Variants in SMCHD1 observed in about 807,000 individuals in gnomAD.
SMCHD1 encodes structural maintenance of chromosomes flexible hinge domain-containing protein 1.
SMCHD1 carries 78 observed loss-of-function variants against 254.7 expected under a neutral mutation model. That is an observed-to-expected ratio of 0.31 (90% CI 0.26 to 0.37). SMCHD1 has a LOEUF of 0.37. SMCHD1 is among the 10% of genes least tolerant of loss of function. The pLI is 1.00. For synonymous variants in SMCHD1, 766 were observed against 794.9 expected, an observed-to-expected ratio of 0.96 and a Z score of 0.61; for missense variants, 1,840 against 2,408.1, an observed-to-expected ratio of 0.76 and a Z score of 4.94.
intron 5 of SMCHD1, among the ~76,000 whole-genome samples, chr18:2,685,670 C>T (rs2074035360): frequency 1.3e-5 from 2 of 152,188 alleles, no homozygotes; most frequent in South Asian, 4.1e-4. Flanking sequence ...AATGAATTTA[C>T]CTAATCAAGG....
intron 39 of SMCHD1, among the ~76,000 whole-genome samples, chr18:2,770,904 T>A (rs117930578): frequency 6.6e-6 from 1 of 152,108 alleles, no homozygotes; most frequent in South Asian, 2.1e-4. Flanking sequence ...TTACAGGTGT[T>A]AGCCACCACA....
chr18:2,735,108 AT>A (rs2075223117), intron 25 of SMCHD1, among the ~76,000 whole-genome samples: 1 of 152,056 alleles, frequency 6.6e-6, no homozygotes, highest in African/African-American at 2.4e-5. Context: ...AGTAGGCTTT[AT>A]TTTTGAGATT....
intron 5 of SMCHD1, among the ~76,000 whole-genome samples, chr18:2,686,877 A>G (rs2074063925): frequency 6.6e-6 from 1 of 152,104 alleles, no homozygotes; most frequent in African/African-American, 2.4e-5. Context: ...TTTTATACCA[A>G]TTAAAATGTT....
chr18:2,783,217 G>A (rs572896406), intron 44 of SMCHD1, among the ~76,000 whole-genome samples: 4 of 152,132 alleles, frequency 2.6e-5, no homozygotes, highest in East Asian at 1.9e-4. Flanking sequence ...CAATATTTCC[G>A]TATACATCGT....
At chr18:2,711,909 G>A (rs1319658086) in intron 17 of SMCHD1, among the ~76,000 whole-genome samples, 1 of 152,104 alleles carries the variant, frequency 6.6e-6, no homozygotes, top group Non-Finnish European at 1.5e-5. Flanking sequence ...ATGAGAGCTG[G>A]TTGTTAAAAA....
At chr18:2,659,823 G>A (rs964825365) in intron 1 of SMCHD1, among the ~76,000 whole-genome samples, 3 of 148,918 alleles carry the variant, frequency 2.0e-5, no homozygotes, top group Non-Finnish European at 3.0e-5. Context: ...GTAAGGTAAC[G>A]AAATATAATG....
At chr18:2,730,824 C>A (rs1235032300) in intron 24 of SMCHD1, among the ~76,000 whole-genome samples, 1 of 152,122 alleles carries the variant, frequency 6.6e-6, no homozygotes, top group Non-Finnish European at 1.5e-5. Context: ...CATTCCAGTT[C>A]TTTTTAAGCT....
intron 28 of SMCHD1, among the ~76,000 whole-genome samples, chr18:2,743,072 T>C (rs1014989382): frequency 4.6e-5 from 7 of 152,200 alleles, no homozygotes; most frequent in African/African-American, 1.7e-4. Context: ...TTAAGATGAA[T>C]AAATCATCAA....
intron 45 of SMCHD1, chr18:2,784,936 A>T: frequency 2.5e-6 from 1 of 393,126 alleles, no homozygotes; most frequent in Admixed American, 3.9e-5. Context: ...ACGTAGCAAG[A>T]CTCCATCTCT....
At chr18:2,705,292 T>C (rs2074488300) in intron 13 of SMCHD1, among the ~76,000 whole-genome samples, 1 of 152,160 alleles carries the variant, frequency 6.6e-6, no homozygotes, top group Non-Finnish European at 1.5e-5. Flanking sequence ...GATAGGCAAG[T>C]TTTGAGCTGA....
chr18:2,770,787 A>AT lies in SMCHD1; in HGVS notation c.4966+684dup, dbSNP rs547092964. On this transcript the variant is annotated intron_variant, in intron 39 of 47. Coordinates refer to ENST00000320876, the MANE Select transcript of SMCHD1 (RefSeq NM_015295.3). ...AGGCACATGCCACCACGCCTGGCTGATTTTTGTATTTTTAGTAGAGACGGG... is the reference window on the plus strand; with the variant it reads ...AGGCACATGCCACCACGCCTGGCTGATTTTTTGTATTTTTAGTAGAGACGGG... 1.1e-4 allele frequency among the ~76,000 whole-genome samples: 16 copies of AT among 152,048 alleles called. No individual in the cohort carries two copies. The South Asian group carries it at 2.1e-3, about 20-fold the overall frequency.
In SMCHD1 at chr18:2,674,252, TATTC is replaced by T. The variant is rs983647065; in HGVS notation, c.638+109_638+112del. On this transcript the variant is annotated intron_variant, in intron 5 of 47. Coordinates refer to ENST00000320876, the MANE Select transcript of SMCHD1 (RefSeq NM_015295.3). Reference sequence around the variant, plus strand: ...TATGATACATTGGAGGTTTTACTGTTATTCACATATTTATTTAGGTTTTATATTA... The same window carrying T: ...TATGATACATTGGAGGTTTTACTGTTACATATTTATTTAGGTTTTATATTA... 3.6e-6 allele frequency: 3 copies of T among 839,104 alleles called. No individual in the cohort carries two copies. In the African/African-American group the frequency reaches 5.2e-5, roughly 15 times the overall value. 52.0% of individuals were successfully genotyped at this position (839,104 alleles called of 1,614,324 possible).
intron 34 of SMCHD1, among the ~76,000 whole-genome samples, chr18:2,755,685 A>G (rs2075663442): frequency 6.8e-6 from 1 of 146,568 alleles, no homozygotes; most frequent in Non-Finnish European, 1.5e-5. Context: ...CTCCTGCCTC[A>G]GCCTCCGGAG....
intron 25 of SMCHD1, among the ~76,000 whole-genome samples, chr18:2,737,235 G>T (rs2075268130): frequency 6.6e-6 from 1 of 152,074 alleles, no homozygotes; most frequent in South Asian, 2.1e-4. Context: ...AAAGGGGAGG[G>T]TAATAGAGGA....
At chr18:2,745,118 C>T (rs1296647525) in intron 29 of SMCHD1, among the ~76,000 whole-genome samples, 1 of 152,216 alleles carries the variant, frequency 6.6e-6, no homozygotes, top group Non-Finnish European at 1.5e-5. Context: ...GCTGGGATGA[C>T]AGGCATGAGC....
intron 40 of SMCHD1, 81 bp from the exon 41 acceptor site, chr18:2,772,169 T>C: frequency 8.3e-7 from 1 of 1,207,612 alleles, no homozygotes; most frequent in Non-Finnish European, 1.1e-6. Context: ...TCTAAATTGT[T>C]AATTTTTCTC....
intron 45 of SMCHD1, among the ~76,000 whole-genome samples, chr18:2,788,059 G>A (rs975813306): frequency 6.6e-6 from 1 of 152,116 alleles, no homozygotes; most frequent in African/African-American, 2.4e-5. Context: ...ACTTAGTAAG[G>A]ATCAAATAAA....
chr18:2,737,233 G>C (rs1354796532), intron 25 of SMCHD1, among the ~76,000 whole-genome samples: 2 of 152,224 alleles, frequency 1.3e-5, no homozygotes, highest in African/African-American at 4.8e-5. Context: ...AAAAAGGGGA[G>C]GGTAATAGAG....
chr18:2,703,230 A>C (rs750500515), intron 12 of SMCHD1, among the ~76,000 whole-genome samples: 15 of 152,096 alleles, frequency 9.9e-5, no homozygotes, highest in Non-Finnish European at 1.9e-4. Context: ...AAATTTTACT[A>C]CTGCAGATTT....
Sources: gnomAD v4.1 joint callset for allele counts (sites outside exome capture counted in the v4.1 genomes callset) on GRCh38, gnomAD v4.1.1 for gene constraint, MANE v1.5 for transcripts, NCBI Gene and HGNC (gene_info 2026-07-23, HGNC 2026-07-21) for gene names.